KANK3: variants seen among roughly 807,000 people sequenced by gnomAD.
KANK3 encodes the protein KN motif and ankyrin repeat domains 3.
In KANK3, 61 loss-of-function variants were observed where a neutral mutation model predicts 65.4. The ratio of observed to expected loss-of-function variants is 0.93; its 90% CI spans 0.76 to 1.15. The LOEUF (loss-of-function observed/expected upper bound fraction) is 1.15, where lower values mean the gene tolerates loss of function less well. Among genes scored for constraint, KANK3 ranks in the 50% most tolerant of loss-of-function variants. KANK3 has a pLI of 0.00. For synonymous variants in KANK3, 586 were observed against 543.3 expected (o/e 1.08, Z -1.09); for missense variants, 1,187 against 1,178.8 (o/e 1.01, Z -0.10).
rs1970344496 is a variant in KANK3, at chr19:8,322,859, C to G, written c.2446G>C (p.Glu816Gln). The G allele has an allele frequency of 3.1e-6, 5 of 1,599,532 alleles. No homozygotes were observed. The highest frequency in any genetic ancestry group is 1.7e-5 in the Admixed American group (1 of 57,366). Residue 816 changes from glutamate (E) to glutamine (Q), a missense_variant, in exon 11 of 11, where the codon GAG becomes CAG. Around this residue, in one of 3 missense-constraint regions of KANK3, gnomAD observed 1,078 missense variants for 1,038.2 expected, o/e 1.04. Transcript: ENST00000330915. ...GCAGCTTACTGAACCTGGGGGTTCT[C>G]TCCATTGTCACCGCATTCTCCTTCA... ...PGEGECGDNG[E>Q]NPQVQ
Position 8,334,124 on chromosome 19 carries a change from C to T in KANK3, c.1428-8G>A. ...CTGGAGGAGCTCTCGTACCTGGGGGCAGGGTGGGAGGTGTCTGCTAAACCT... is the reference window on the plus strand; with the variant it reads ...CTGGAGGAGCTCTCGTACCTGGGGGTAGGGTGGGAGGTGTCTGCTAAACCT... On this transcript the variant is annotated splice_polypyrimidine_tract_variant and splice_region_variant and intron_variant, in intron 4 of 10. Transcript: ENST00000330915. 1 of 1,507,826 alleles carries T rather than the reference C, an allele frequency of 6.6e-7. No homozygotes were observed. 93.4% of individuals were successfully genotyped at this position (1,507,826 alleles called of 1,614,324 possible).
chr19:8,336,586 A>G lies in KANK3; in HGVS notation c.35-794T>C, dbSNP rs535293975. ...ACCCCATCTCCAAAAATATATATAT[A>G]CACATATACATATATATACATAGCT... On this transcript the variant is annotated intron_variant, in intron 2 of 10. Transcript: ENST00000330915. Among the ~76,000 whole-genome samples the G allele has an allele frequency of 8.5e-5, 4 of 47,066 alleles. No individual in the cohort carries two copies. In the East Asian group the frequency reaches 1.8e-3, roughly 21 times the overall value. The allele number at this position is 47,066 out of a possible 152,430, so 30.9% of individuals were successfully genotyped here.
chr19:8,337,199 A>ATTT (rs33926642), intron 2 of KANK3, among the ~76,000 whole-genome samples: 12,793 of 88,660 alleles, frequency 0.14, 1,479 homozygotes, highest in Non-Finnish European at 0.19. Context: ...TGCCTGGCTA[A>ATTT]TTTTTTTTTT....
At chr19:8,342,413 C>G (rs1455373646) in intron 1 of KANK3, among the ~76,000 whole-genome samples, 1 of 152,164 alleles carries the variant, frequency 6.6e-6, no homozygotes, top group Non-Finnish European at 1.5e-5. Flanking sequence ...GCTGCCTTCC[C>G]TCTCCTCCGC....
chr19:8,322,682 C>T lies in KANK3; in HGVS notation c.*157G>A. ...TCACCTTGGTGGGGCCAGAGTGAGC[C>T]CCTTCCTGCCACAGTCACCCCAACT... On this transcript the variant is annotated 3_prime_UTR_variant, in exon 11 of 11. Transcript: ENST00000330915. 4.8e-6 allele frequency: 3 copies of T among 618,746 alleles called. No homozygotes were observed. The South Asian group carries it at 5.9e-5, about 12-fold the overall frequency. 38.3% of individuals were successfully genotyped at this position (618,746 alleles called of 1,614,324 possible).
chr19:8,325,121 A>G (rs1200398793), intron 7 of KANK3, 25 bp from the exon 8 acceptor site: 17 of 1,598,322 alleles, frequency 1.1e-5, no homozygotes, highest in Non-Finnish European at 1.4e-5. Flanking sequence ...GGGGCCGTCC[A>G]CGGAGATGCC....
chr19:8,339,899 G>T (rs1970699758), intron 1 of KANK3, among the ~76,000 whole-genome samples: 1 of 150,256 alleles, frequency 6.7e-6, no homozygotes, highest in Non-Finnish European at 1.5e-5. Flanking sequence ...AGGAGATGCA[G>T]GCTGCAGTGA....
chr19:8,330,541 C>T (rs2145422659), intron 7 of KANK3, among the ~76,000 whole-genome samples: 1 of 152,014 alleles, frequency 6.6e-6, no homozygotes, highest in South Asian at 2.1e-4. Context: ...CCAGCCTAAC[C>T]AACATGGAGA....
chr19:8,340,081 C>G (rs796161013), intron 1 of KANK3, among the ~76,000 whole-genome samples: 20 of 151,166 alleles, frequency 1.3e-4, no homozygotes, highest in African/African-American at 4.4e-4. Context: ...AAAGTGCCTA[C>G]GGTGTGCCCT....
chr19:8,335,334 C>G lies in KANK3; in HGVS notation c.493G>C (p.Gly165Arg). The G allele has an allele frequency of 8.4e-7, 1 of 1,194,542 alleles. No individual in the cohort carries two copies. Among genetic ancestry groups the G allele is most frequent in the East Asian group, 3.6e-5 (1 of 27,976 alleles). 74.0% of individuals were successfully genotyped at this position (1,194,542 alleles called of 1,614,324 possible). A position where few individuals can be genotyped will look rare whatever the true frequency, so the allele number is the denominator to read the frequency against. Residue 165 changes from glycine to arginine, a missense_variant, in exon 3 of 11, where the codon GGC becomes CGC. Transcript: ENST00000330915. ...AGGTTAGGGGCGGGGCTGCTGCGGC[C>G]GGACCCGCGTGGGCTGCGCGGGACC... ...RGVPRSPRGS[G>R]RSSPAPNLAP...
At chr19:8,332,149 A>T (rs1970537182) in intron 7 of KANK3, among the ~76,000 whole-genome samples, 1 of 150,928 alleles carries the variant, frequency 6.6e-6, no homozygotes, top group Non-Finnish European at 1.5e-5. Flanking sequence ...TCCCACCACC[A>T]CGCCCAGCTA....
Position 8,325,065 on chromosome 19 carries a change from G to A in KANK3, c.1968C>T (p.Ala656=), listed in dbSNP as rs373935743. The change falls in exon 8 of 11, where the codon GCC becomes GCT. Residue 656 remains alanine, a synonymous_variant. Transcript: ENST00000330915. ...GACEVNRQNR[A]GYSALMLAAL... is the part of the protein sequence containing the mutation. ...CAGCCAGCATGAGGGCCGAGTAGCC[G>A]GCTCGGTTCTGGCGGTTGACCTCGC... The A allele has an allele frequency of 3.3e-4, 536 of 1,613,540 alleles. No individual in the cohort carries two copies. Among genetic ancestry groups the A allele is most frequent in the Non-Finnish European group, 4.3e-4 (504 of 1,179,996 alleles).
chr19:8,322,860 T>C lies in KANK3; in HGVS notation c.2445A>G (p.Gly815=). Residue 815 remains glycine (G), a synonymous_variant, in exon 11 of 11, where the codon GGA becomes GGG. Transcript: ENST00000330915. ...TPGEGECGDN[G]ENPQVQ ...CAGCTTACTGAACCTGGGGGTTCTC[T>C]CCATTGTCACCGCATTCTCCTTCAC... 1.3e-6 allele frequency: 2 copies of C among 1,598,950 alleles called. No individual in the cohort carries two copies. The highest frequency in any genetic ancestry group is 1.1e-5 in the South Asian group (1 of 89,362).
At chr19:8,332,269 C>T (rs1265399526) in intron 7 of KANK3, among the ~76,000 whole-genome samples, 1 of 151,956 alleles carries the variant, frequency 6.6e-6, no homozygotes, top group African/African-American at 2.4e-5. Flanking sequence ...CCTCTGCCTC[C>T]CAGGTTCAAG....
chr19:8,338,073 G>A (rs565040100), intron 1 of KANK3: 55 of 647,494 alleles, frequency 8.5e-5, no homozygotes, highest in Non-Finnish European at 1.0e-4. Flanking sequence ...CCAGGCTGGA[G>A]TGCAATGCCA....
At position 8,333,272 on chromosome 19, in the gene KANK3, C is replaced by T. The variant is rs928399023; in HGVS notation, c.1720-42G>A. The stretch of plus-strand genomic sequence containing the variant: ...CCAAGATAACATCGGCGATGGTCCA[C>T]GGCGGCGCCGTGGTGGGGGAGCTGG... On this transcript the variant is annotated intron_variant, in intron 6 of 10. Transcript: ENST00000330915. This position sits in a 1 kb window ranked among gnomAD's most constrained non-coding sequence, Gnocchi z 5.0. The T allele has an allele frequency of 6.6e-7, 1 of 1,515,462 alleles. No individual in the cohort carries two copies. The highest frequency in any genetic ancestry group is 9.0e-7 in the Non-Finnish European group (1 of 1,113,662). The allele number at this position is 1,515,462 out of a possible 1,614,324, so 93.9% of individuals were successfully genotyped here. A position where few individuals can be genotyped will look rare whatever the true frequency, so the allele number is the denominator to read the frequency against.
chr19:8,334,419 C>T lies in KANK3; in HGVS notation c.1328G>A (p.Gly443Asp). Residue 443 changes from glycine to aspartate, a missense_variant and splice_region_variant, in exon 4 of 11, where the codon GGC becomes GAC. Coordinates refer to ENST00000330915, the MANE Select transcript of KANK3 (RefSeq NM_198471.3). ...MDGDRAVAPA[G>D]ILKSIMKKRD... ...CTTCTTCATGATGGATTTGAGGATGCCTGGCGGGGATGAGATGAGGGCACT... is the reference window on the plus strand; with the variant it reads ...CTTCTTCATGATGGATTTGAGGATGTCTGGCGGGGATGAGATGAGGGCACT... 1 of 1,613,728 alleles carries T rather than the reference C, an allele frequency of 6.2e-7. No individual in the cohort carries two copies. Among genetic ancestry groups the T allele is most frequent in the Non-Finnish European group, 8.5e-7 (1 of 1,179,986 alleles).
chr19:8,331,196 A>AAAC (rs1378462606), intron 7 of KANK3, among the ~76,000 whole-genome samples: 3 of 139,468 alleles, frequency 2.2e-5, no homozygotes, highest in Non-Finnish European at 4.6e-5. Context: ...CTCCATATCA[A>AAAC]AACAACAACA....
chr19:8,329,148 G>A (rs1277491264), intron 7 of KANK3, among the ~76,000 whole-genome samples: 1 of 142,246 alleles, frequency 7.0e-6, no homozygotes, highest in East Asian at 2.1e-4. Flanking sequence ...TCCAGCCTGG[G>A]TGACAGAGCG....
Sources: gnomAD v4.1 joint callset for allele counts (sites outside exome capture counted in the v4.1 genomes callset) on GRCh38, gnomAD v4.1.1 for gene constraint, gnomAD v4.1.1 regional missense constraint, Gnocchi (gnomAD v3.1) non-coding constraint, MANE v1.5 for transcripts, NCBI Gene and HGNC (gene_info 2026-07-23, HGNC 2026-07-21) for gene names.